Variants in TJP1 observed in about 807,000 individuals in gnomAD.
TJP1 encodes tight junction protein ZO-1.
In TJP1, 43 loss-of-function variants were observed where a neutral mutation model predicts 194.2. The ratio of observed to expected loss-of-function variants is 0.22; its 90% CI spans 0.17 to 0.29. The LOEUF (loss-of-function observed/expected upper bound fraction) is 0.29. TJP1 is among the 10% of genes least tolerant of loss of function. The probability of loss-of-function intolerance (pLI) is 1.00; values close to 1 mark genes in which losing one functional copy is unlikely to be tolerated. For synonymous variants in TJP1, 801 were observed against 779.0 expected (o/e 1.03, Z -0.47); for missense variants, 1,971 against 2,185.7 (o/e 0.90, Z 1.96).
intron 8 of TJP1, chr15:29,760,245 C>T: frequency 1.4e-6 from 1 of 702,286 alleles, no homozygotes. Context: ...TGTATGTGCA[C>T]ATGCACATTT....
At position 29,719,863 on chromosome 15, in the gene TJP1, A is replaced by C; in HGVS notation, c.2917T>G (p.Ser973Ala). 6.2e-7 allele frequency: 1 copy of C among 1,614,138 alleles called. No homozygotes were observed. Among genetic ancestry groups the C allele is most frequent in the Non-Finnish European group, 8.5e-7 (1 of 1,180,012 alleles). Residue 973 changes from serine to alanine, a missense_variant, in exon 20 of 28, where the codon TCT (serine) becomes GCT (alanine). By Grantham distance (99) the Ser-to-Ala change is moderately conservative. Coordinates refer to ENST00000614355, the MANE Select transcript of TJP1 (RefSeq NM_001330239.4). ...PSTSYSPQAD[S>A]LRTPSTEAAH... The stretch of plus-strand genomic sequence containing the variant: ...GCCTCAGTACTTGGTGTTCTTAAAG[A>C]ATCAGCTTGTGGTGAGTAAGAGGTG...
rs148979180 is a variant in TJP1 at position 29,963,237 on chromosome 15, C to A, written c.173+5430G>T. Among the ~76,000 whole-genome samples the A allele has an allele frequency of 7.9e-3, 1,207 of 152,190 alleles. 62 individuals carry two copies. Among genetic ancestry groups the A allele is most frequent in the Admixed American group, 0.075 (1,140 of 15,278 alleles). On this transcript the variant is annotated intron_variant, in intron 1 of 28. Transcript: ENST00000356107. ...ATCCATGAGTGGGCCGGGGGACCAC[C>A]CTTGGAGAAACAACCTTCTATCGGG...
intron 23 of TJP1, among the ~76,000 whole-genome samples, chr15:29,711,900 A>G (rs1264327695): frequency 6.6e-6 from 1 of 152,174 alleles, no homozygotes; most frequent in Non-Finnish European, 1.5e-5. Flanking sequence ...AAAAAACTGG[A>G]GCTTTTACTT....
intron 2 of TJP1, among the ~76,000 whole-genome samples, chr15:29,780,806 T>A (rs1441200554): frequency 6.6e-6 from 1 of 152,070 alleles, no homozygotes; most frequent in Non-Finnish European, 1.5e-5. Context: ...GATAGGAATA[T>A]AAGACCAAAA....
chr15:29,741,531 C>T (rs2044419561), intron 9 of TJP1, 95 bp from the exon 10 acceptor site: 3 of 780,780 alleles, frequency 3.8e-6, no homozygotes, highest in Non-Finnish European at 6.5e-6. Context: ...GTTCAGAGAA[C>T]CTGATGAGGA....
At chr15:29,884,185 A>G (rs1213466047) in intron 2 of TJP1, among the ~76,000 whole-genome samples, 1 of 152,228 alleles carries the variant, frequency 6.6e-6, no homozygotes, top group Non-Finnish European at 1.5e-5. Context: ...TAAATGAAAC[A>G]TCTTTTGAGT....
intron 2 of TJP1, among the ~76,000 whole-genome samples, chr15:29,907,281 C>T (rs528753301): frequency 7.9e-5 from 12 of 152,014 alleles, no homozygotes; most frequent in South Asian, 2.1e-4. Context: ...TGGTGGCGGG[C>T]GCCTGTAGCC....
chr15:29,705,537 T>C lies in TJP1; in HGVS notation c.5059A>G (p.Lys1687Glu), dbSNP rs769318736. 1 of 1,614,220 alleles carries C rather than the reference T, an allele frequency of 6.2e-7. No individual in the cohort carries two copies. The highest frequency in any genetic ancestry group is 8.5e-7 in the Non-Finnish European group (1 of 1,180,020). ...RDNSILPPLD[K>E]EKGETLLSPL... ...AAATAAACACATTTACCTTTCTCTT[T>C]ATCTAAAGGTGGAAGGATGCTGTTG... Residue 1687 changes from lysine (K) to glutamate (E), a missense_variant, in exon 26 of 28, where the codon AAA becomes GAA. This residue lies in a region of TJP1 where 1,108 missense variants were observed against 1,128.5 expected (regional missense o/e 0.98). Transcript: ENST00000614355.
At chr15:29,965,684 C>G (rs2056309450) in intron 1 of TJP1, among the ~76,000 whole-genome samples, 1 of 152,142 alleles carries the variant, frequency 6.6e-6, no homozygotes, top group African/African-American at 2.4e-5. Context: ...TGCTATGAAA[C>G]TAGCAAAATG....
At chr15:29,708,234 G>A (rs770198518) in intron 25 of TJP1, among the ~76,000 whole-genome samples, 3 of 150,874 alleles carry the variant, frequency 2.0e-5, no homozygotes, top group Admixed American at 6.6e-5. Flanking sequence ...CTCAGAGGTC[G>A]GATGACCAGC....
At chr15:29,920,763 G>C (rs974103962) in intron 2 of TJP1, among the ~76,000 whole-genome samples, 2 of 152,174 alleles carry the variant, frequency 1.3e-5, no homozygotes, top group African/African-American at 4.8e-5. Context: ...CTCCACCTGG[G>C]TCTGGCTCCG....
At chr15:29,758,391 G>GA (rs766570001) in intron 8 of TJP1, among the ~76,000 whole-genome samples, 23 of 150,788 alleles carry the variant, frequency 1.5e-4, no homozygotes, top group South Asian at 4.2e-4. Context: ...ATACCTAGGA[G>GA]AAAAAAAAAT....
At chr15:29,968,284 T>C in intron 1 of TJP1, 1 of 985,352 alleles carries the variant, frequency 1.0e-6, no homozygotes, top group Non-Finnish European at 1.2e-6. Context: ...TGAATTCTTC[T>C]GCTGTCTCCG....
chr15:29,720,791 G>T (rs2042882172), intron 18 of TJP1, 83 bp from the exon 19 acceptor site: 1 of 1,112,112 alleles, frequency 9.0e-7, no homozygotes, highest in Middle Eastern at 2.1e-4. Context: ...AGATTGAAAA[G>T]GATATCTTTC....
At chr15:29,916,240 CA>C (rs199907379) in intron 2 of TJP1, among the ~76,000 whole-genome samples, 3,609 of 96,532 alleles carry the variant, frequency 0.037, 93 homozygotes, top group African/African-American at 0.085. Context: ...GACTCTGTCT[CA>C]AAAAAAAAAA....
intron 4 of TJP1, among the ~76,000 whole-genome samples, chr15:29,771,092 T>A (rs2046641760): frequency 6.6e-6 from 1 of 152,182 alleles, no homozygotes; most frequent in Non-Finnish European, 1.5e-5. Context: ...TTACTGTACT[T>A]TTTCCATGTT....
chr15:29,711,368 C>T (rs968345873), intron 23 of TJP1, among the ~76,000 whole-genome samples: 2 of 152,046 alleles, frequency 1.3e-5, no homozygotes, highest in African/African-American at 4.8e-5. Flanking sequence ...TCCTGAGACC[C>T]ACTTTTTTTG....
chr15:29,918,423 G>A (rs1353754828), intron 2 of TJP1, among the ~76,000 whole-genome samples: 1 of 152,132 alleles, frequency 6.6e-6, no homozygotes, highest in Non-Finnish European at 1.5e-5. Flanking sequence ...TAAATAAGGA[G>A]GAAGGGCTCT....
Position 29,968,040 on chromosome 15 carries a change from C to T in TJP1, c.173+627G>A, listed in dbSNP as rs1351487021. The T allele has an allele frequency of 5.1e-6, 5 of 981,278 alleles. No homozygotes were observed. The African/African-American group carries it at 8.8e-5, about 17-fold the overall frequency. The allele number at this position is 981,278 out of a possible 1,614,324, so 60.8% of individuals were successfully genotyped here. ...TGCAATATACAATCCTGTAGATAAT[C>T]AGCAACGTAAACCAGTAAGGTCCAG... On this transcript the variant is annotated intron_variant, in intron 1 of 28. Coordinates refer to the TJP1 transcript ENST00000356107.
Sources: gnomAD v4.1 joint callset for allele counts (sites outside exome capture counted in the v4.1 genomes callset) on GRCh38, gnomAD v4.1.1 for gene constraint, gnomAD v4.1.1 regional missense constraint, MANE v1.5 for transcripts, NCBI Gene and HGNC (gene_info 2026-07-23, HGNC 2026-07-21) for gene names.